Variants in CCDC18 observed in about 807,000 individuals in gnomAD.
CCDC18 encodes the protein coiled-coil domain containing 18.
CCDC18 carries 157 observed loss-of-function variants against 196.0 expected under a neutral mutation model. The ratio of observed to expected loss-of-function variants is 0.80; its 90% CI spans 0.70 to 0.91. The LOEUF (loss-of-function observed/expected upper bound fraction) is 0.91. Among genes scored for constraint, CCDC18 ranks in the 40% least tolerant of loss-of-function variants. The pLI is 0.00. For synonymous variants in CCDC18, 482 were observed against 529.2 expected (o/e 0.91, Z 1.22); for missense variants, 1,465 against 1,611.6 (o/e 0.91, Z 1.56).
intron 17 of CCDC18, among the ~76,000 whole-genome samples, chr1:93,227,971 A>AAAAAATAT: frequency 8.0e-6 from 1 of 125,328 alleles, no homozygotes; most frequent in African/African-American, 3.4e-5. Context: ...AAAAAAAAAA[A>AAAAAATAT]ATATATATAT....
intron 19 of CCDC18, 141 bp from the exon 20 acceptor site, chr1:93,239,169 T>TA (rs5776175): frequency 0.18 from 109,125 of 599,158 alleles, 11,405 homozygotes; most frequent in East Asian, 0.31. Flanking sequence ...GGAGAATTTT[T>TA]AAAAATAGGT....
chr1:93,257,908 T>G (rs1663225919), intron 25 of CCDC18, among the ~76,000 whole-genome samples: 1 of 151,992 alleles, frequency 6.6e-6, no homozygotes. Context: ...AAACCTTGGT[T>G]CTTTTTGTAT....
chr1:93,248,972 CAAAAAA>C (rs71586786), intron 23 of CCDC18, among the ~76,000 whole-genome samples: 1 of 95,756 alleles, frequency 1.0e-5, no homozygotes, highest in Admixed American at 1.1e-4. Context: ...AACCCTGTCT[CAAAAAA>C]AAAAAAAAAA....
In CCDC18 at chr1:93,278,615, G is replaced by C. The variant is rs965645494; in HGVS notation, c.*138G>C. 2 of 391,870 alleles carry C rather than the reference G, an allele frequency of 5.1e-6. No homozygotes were observed. The highest frequency in any genetic ancestry group is 9.0e-6 in the Non-Finnish European group (2 of 221,056). The allele number at this position is 391,870 out of a possible 1,614,324, so 24.3% of individuals were successfully genotyped here. On this transcript the variant is annotated 3_prime_UTR_variant, in exon 29 of 29. Coordinates refer to ENST00000690025, the MANE Select transcript of CCDC18 (RefSeq NM_001378204.1). ...TTATATTTCAATATTTTAAAAGAAAGCCCTTCTAAAACTTAATTATATTTT... is the reference window on the plus strand; with the variant it reads ...TTATATTTCAATATTTTAAAAGAAACCCCTTCTAAAACTTAATTATATTTT...
chr1:93,270,311 G>A, intron 27 of CCDC18, 36 bp from the exon 28 acceptor site: 4 of 1,220,180 alleles, frequency 3.3e-6, no homozygotes, highest in Non-Finnish European at 2.3e-6. Flanking sequence ...TAACAAAAAT[G>A]TATTGAGCAC....
intron 17 of CCDC18, among the ~76,000 whole-genome samples, chr1:93,231,989 CCTTTTTATAGCAGTAAAATGTGGCAATAT>C (rs1449052399): frequency 6.6e-6 from 1 of 152,122 alleles, no homozygotes; most frequent in African/African-American, 2.4e-5. Context: ...AGAACATGCT[CCTTTTTATAGCAGTAAAATGTGGCAATAT>C]CTGTTTCTGC....
At chr1:93,253,555 A>C (rs945880244) in intron 23 of CCDC18, among the ~76,000 whole-genome samples, 2 of 152,168 alleles carry the variant, frequency 1.3e-5, no homozygotes. Context: ...GCAGCAGGAT[A>C]AGGACAGGTC....
chr1:93,216,815 G>T, intron 13 of CCDC18, 69 bp downstream of exon 13: 1 of 694,410 alleles, frequency 1.4e-6, no homozygotes. Flanking sequence ...CAGCACATTT[G>T]TTTTAGCATC....
At chr1:93,231,633 A>AT (rs908171358) in intron 17 of CCDC18, among the ~76,000 whole-genome samples, 1 of 152,164 alleles carries the variant, frequency 6.6e-6, no homozygotes, top group Non-Finnish European at 1.5e-5. Context: ...GACAAAGGGA[A>AT]TTTATTTTTC....
At chr1:93,245,401 A>G (rs1282974535) in intron 21 of CCDC18, among the ~76,000 whole-genome samples, 1 of 152,154 alleles carries the variant, frequency 6.6e-6, no homozygotes, top group Non-Finnish European at 1.5e-5. Flanking sequence ...AAAAATTAGT[A>G]CCCTTATCAG....
intron 28 of CCDC18, among the ~76,000 whole-genome samples, chr1:93,275,577 C>A (rs1414792612): frequency 2.0e-5 from 3 of 152,050 alleles, no homozygotes; most frequent in Non-Finnish European, 2.9e-5. Flanking sequence ...ATAAAGAAAT[C>A]CAGTATGTCA....
intron 23 of CCDC18, among the ~76,000 whole-genome samples, chr1:93,247,697 T>G (rs530942935): frequency 6.6e-6 from 1 of 152,246 alleles, no homozygotes; most frequent in East Asian, 1.9e-4. Context: ...ATTACAGGCA[T>G]GAGACACCAC....
intron 21 of CCDC18, among the ~76,000 whole-genome samples, chr1:93,243,823 C>T (rs1317738023): frequency 6.6e-6 from 1 of 152,210 alleles, no homozygotes; most frequent in Non-Finnish European, 1.5e-5. Context: ...TCATTCTGGA[C>T]TTTATTGTCC....
chr1:93,255,666 G>A (rs917953712), intron 24 of CCDC18, among the ~76,000 whole-genome samples: 4 of 152,054 alleles, frequency 2.6e-5, no homozygotes, highest in Non-Finnish European at 5.9e-5. Flanking sequence ...AGCCTGGGAG[G>A]TCAAGGCTGC....
chr1:93,257,231 C>CAAAAAAAAAAA (rs71586787), intron 25 of CCDC18, among the ~76,000 whole-genome samples: 1 of 46,512 alleles, frequency 2.1e-5, no homozygotes, highest in African/African-American at 8.4e-5. Flanking sequence ...GACTCCATCT[C>CAAAAAAAAAAA]AAAAAAAAAA....
chr1:93,267,210 T>C (rs958962985), intron 27 of CCDC18, among the ~76,000 whole-genome samples: 4 of 152,272 alleles, frequency 2.6e-5, no homozygotes, highest in African/African-American at 4.8e-5. Flanking sequence ...ATTATCTCAA[T>C]AGATGCAGAA....
chr1:93,247,885 A>G (rs961765049), intron 23 of CCDC18, among the ~76,000 whole-genome samples: 1 of 151,930 alleles, frequency 6.6e-6, no homozygotes, highest in African/African-American at 2.4e-5. Context: ...ACTGAATAAT[A>G]GTGGTGAAAG....
intron 4 of CCDC18, among the ~76,000 whole-genome samples, chr1:93,189,075 T>C (rs1651250683): frequency 6.6e-6 from 1 of 152,186 alleles, no homozygotes; most frequent in South Asian, 2.1e-4. Context: ...TTATTCATTC[T>C]TTCTATTTCT....
intron 28 of CCDC18, among the ~76,000 whole-genome samples, chr1:93,272,234 T>C (rs571021803): frequency 2.0e-5 from 3 of 152,326 alleles, no homozygotes; most frequent in African/African-American, 7.2e-5. Context: ...CCACTGAAAA[T>C]GTAAGCTCTG....
Sources: allele counts gnomAD v4.1 joint callset (sites outside exome capture counted in the v4.1 genomes callset), GRCh38; gene constraint gnomAD v4.1.1; transcripts MANE v1.5; gene names NCBI Gene and HGNC (gene_info 2026-07-23, HGNC 2026-07-21).